Variants in DZIP3 observed in about 807,000 individuals in gnomAD.
DZIP3 encodes the protein E3 ubiquitin-protein ligase DZIP3.
Under a neutral mutation model 162.0 loss-of-function variants are expected in DZIP3, and 118 were observed. That is an observed-to-expected ratio of 0.73 (90% CI 0.63 to 0.85). DZIP3 has a LOEUF of 0.85. DZIP3 is among the 40% of genes least tolerant of loss of function. DZIP3 has a pLI of 0.00. For synonymous variants in DZIP3, 438 were observed against 458.6 expected, an observed-to-expected ratio of 0.96 and a Z score of 0.57; for missense variants, 1,331 against 1,407.0, an observed-to-expected ratio of 0.95 and a Z score of 0.86.
chr3:108,629,093 A>G lies in DZIP3; in HGVS notation c.613A>G (p.Ser205Gly). The G allele has an allele frequency of 6.2e-7, 1 of 1,603,436 alleles. No individual in the cohort carries two copies. The highest frequency in any genetic ancestry group is 8.5e-7 in the Non-Finnish European group (1 of 1,176,674). The part of the protein sequence containing the change: ...YNGGLLEFHK[S>G]LQEIGDKNDH... Reference sequence around the variant, plus strand: ...TGGAGGACTGCTAGAATTTCATAAAAGCTTACAAGAAATTGGAGACAAAAA... The same window carrying G: ...TGGAGGACTGCTAGAATTTCATAAAGGCTTACAAGAAATTGGAGACAAAAA... Residue 205 changes from serine to glycine, a missense_variant, in exon 8 of 33, where the codon AGC (serine) becomes GGC (glycine). By Grantham distance (56) the Ser-to-Gly change is moderately conservative. Coordinates refer to ENST00000361582, the MANE Select transcript of DZIP3 (RefSeq NM_014648.4).
rs913596832 is a variant in DZIP3 at position 108,644,612 on chromosome 3, G to A, written c.1590G>A (p.Trp530Ter). 3 of 1,613,872 alleles carry A rather than the reference G, an allele frequency of 1.9e-6. No homozygotes were observed. The highest frequency in any genetic ancestry group is 2.5e-6 in the Non-Finnish European group (3 of 1,179,938). Residue 530 changes from tryptophan to a stop codon, truncating the protein, a stop_gained, in exon 14 of 33, where the codon TGG (tryptophan) becomes TGA (stop). Transcript: ENST00000361582. LOFTEE classifies it high-confidence loss of function. ...CTGAGTCACAGTTCAATTCAATTTG[G>A]AAAAAAGTTTCAGATATTCTTCTGC... The part of the protein sequence containing the change: ...GLTESQFNSI[W>*]KKVSDILLRL...
intron 21 of DZIP3, among the ~76,000 whole-genome samples, chr3:108,667,917 CATCA>C (rs1306565757): frequency 6.6e-6 from 1 of 152,032 alleles, no homozygotes; most frequent in Non-Finnish European, 1.5e-5. Context: ...AAAGACAGGG[CATCA>C]AGGCAGAATG....
In DZIP3 at chr3:108,644,291, A is replaced by T; in HGVS notation, c.1269A>T (p.Lys423Asn). The T allele has an allele frequency of 6.2e-7, 1 of 1,614,026 alleles. No homozygotes were observed. Among genetic ancestry groups the T allele is most frequent in the South Asian group, 1.1e-5 (1 of 91,074 alleles). The change falls in exon 14 of 33, where the codon AAA becomes AAT. Residue 423 changes from lysine to asparagine, a missense_variant. By Grantham distance (94) the Lys-to-Asn change is moderately conservative. Transcript: ENST00000361582. ...DEAMPPPLLK[K>N]ELLIHKNVLE... ...CTATGCCACCTCCTCTTTTGAAAAAAGAGCTTCTTATACACAAGAATGTGC... is the reference window on the plus strand; with the variant it reads ...CTATGCCACCTCCTCTTTTGAAAAATGAGCTTCTTATACACAAGAATGTGC...
At chr3:108,600,865 G>A (rs963574392) in intron 1 of DZIP3, among the ~76,000 whole-genome samples, 2 of 152,130 alleles carry the variant, frequency 1.3e-5, no homozygotes, top group African/African-American at 2.4e-5. Context: ...TAATCACTCT[G>A]TAAGGGTATG....
At position 108,684,207 on chromosome 3, in the gene DZIP3, C is replaced by G. The variant is rs1398662181; in HGVS notation, c.2884-9C>G. On this transcript the variant is annotated splice_polypyrimidine_tract_variant and intron_variant, in intron 26 of 32. Transcript: ENST00000361582. Reference sequence around the variant, plus strand: ...TGTTGTTTATTATTGTTTATATTTTCTATTTTAGATGCAGCAGTTCTTAGG... The same window carrying G: ...TGTTGTTTATTATTGTTTATATTTTGTATTTTAGATGCAGCAGTTCTTAGG... 1.9e-6 allele frequency: 3 copies of G among 1,590,682 alleles called. No individual in the cohort carries two copies. The highest frequency in any genetic ancestry group is 2.6e-6 in the Non-Finnish European group (3 of 1,169,616).
intron 27 of DZIP3, among the ~76,000 whole-genome samples, chr3:108,684,707 T>A (rs530554200): frequency 2.2e-4 from 33 of 152,110 alleles, no homozygotes; most frequent in Non-Finnish European, 7.4e-5. Context: ...CAAACTATAT[T>A]ATGGCACAAA....
At chr3:108,596,643 C>A (rs1252601692) in intron 1 of DZIP3, among the ~76,000 whole-genome samples, 3 of 151,272 alleles carry the variant, frequency 2.0e-5, no homozygotes, top group East Asian at 3.9e-4. Context: ...AAGGCTGTTA[C>A]AATCTACACA....
At position 108,648,962 on chromosome 3, in the gene DZIP3, G is replaced by A; in HGVS notation, c.2007G>A (p.Lys669=). 2 of 1,158,534 alleles carry A rather than the reference G, an allele frequency of 1.7e-6. No homozygotes were observed. The highest frequency in any genetic ancestry group is 1.5e-5 in the South Asian group (1 of 68,248). 71.8% of individuals were successfully genotyped at this position (1,158,534 alleles called of 1,614,324 possible). Reference sequence around the variant, plus strand: ...AAAAGAAGAAGACTAAGAATAAAAAGGTAAGAGACTATAATAGCATTATAA... The same window carrying A: ...AAAAGAAGAAGACTAAGAATAAAAAAGTAAGAGACTATAATAGCATTATAA... ...QRKKKKTKNK[K]NKDSKEDQVP... Residue 669 remains lysine (K), a splice_region_variant and synonymous_variant, in exon 17 of 33, where the codon AAG becomes AAA. Coordinates refer to ENST00000361582, the MANE Select transcript of DZIP3 (RefSeq NM_014648.4).
chr3:108,673,785 G>T (rs922280491), intron 23 of DZIP3, among the ~76,000 whole-genome samples: 1 of 151,834 alleles, frequency 6.6e-6, no homozygotes, highest in Non-Finnish European at 1.5e-5. Flanking sequence ...AGAATATCTG[G>T]GACCAAGGCA....
intron 12 of DZIP3, among the ~76,000 whole-genome samples, chr3:108,641,509 A>C (rs1942399402): frequency 6.6e-6 from 1 of 152,190 alleles, no homozygotes; most frequent in South Asian, 2.1e-4. Flanking sequence ...ACACTCTTGT[A>C]CATGTCGCTA....
chr3:108,654,198 A>AC lies in DZIP3; in HGVS notation c.2088dup (p.Ser697LeufsTer4). ...TTGAGGAAAGAACAAGCAAATCCAC[A>AC]CTCAGTCAGTAGACTTATAAAAGAT... On this transcript the variant is annotated frameshift_variant, in exon 19 of 33. Coordinates refer to ENST00000361582, the MANE Select transcript of DZIP3 (RefSeq NM_014648.4). LOFTEE classifies it high-confidence loss of function. The AC allele has an allele frequency of 1.2e-6, 2 of 1,613,770 alleles. No individual in the cohort carries two copies. Among genetic ancestry groups the AC allele is most frequent in the Non-Finnish European group, 1.7e-6 (2 of 1,179,748 alleles).
At chr3:108,630,589 T>A (rs1941787568) in intron 8 of DZIP3, among the ~76,000 whole-genome samples, 1 of 152,110 alleles carries the variant, frequency 6.6e-6, no homozygotes, top group Non-Finnish European at 1.5e-5. Context: ...ATATGACTTT[T>A]AATTTTGACT....
chr3:108,650,341 A>G (rs1942810599), intron 17 of DZIP3, among the ~76,000 whole-genome samples: 1 of 151,810 alleles, frequency 6.6e-6, no homozygotes, highest in Non-Finnish European at 1.5e-5. Flanking sequence ...AAATCATAGA[A>G]TCAAATTGGT....
chr3:108,599,138 A>T (rs1485401458), intron 1 of DZIP3, among the ~76,000 whole-genome samples: 1 of 152,234 alleles, frequency 6.6e-6, no homozygotes, highest in Non-Finnish European at 1.5e-5. Flanking sequence ...AGTATACATT[A>T]TAAGGCACTT....
At chr3:108,667,456 A>G (rs1361881928) in intron 21 of DZIP3, among the ~76,000 whole-genome samples, 1 of 152,176 alleles carries the variant, frequency 6.6e-6, no homozygotes, top group Admixed American at 6.5e-5. Context: ...AAAATGGAAA[A>G]CAGATTAGTG....
chr3:108,626,942 A>C (rs1243149292), intron 7 of DZIP3, among the ~76,000 whole-genome samples: 1 of 152,224 alleles, frequency 6.6e-6, no homozygotes, highest in East Asian at 1.9e-4. Context: ...AAACCACTGG[A>C]TCCCTAAAAG....
chr3:108,667,495 G>T (rs967891512), intron 21 of DZIP3, among the ~76,000 whole-genome samples: 5 of 152,088 alleles, frequency 3.3e-5, no homozygotes, highest in Non-Finnish European at 2.9e-5. Context: ...GGGGATGAGA[G>T]TGGAAGGGAA....
rs762575151 is a variant in DZIP3, at chr3:108,644,375, G to A, written c.1353G>A (p.Leu451=). Residue 451 remains leucine (L), a synonymous_variant, in exon 14 of 33, where the codon CTG becomes CTA. Transcript: ENST00000361582. ...TNHPLGGSWH[L]LYPPNKELPQ... ...ATCCTTTGGGTGGATCATGGCATCT[G>A]CTTTATCCTCCTAACAAGGAGTTAC... 1 of 1,614,064 alleles carries A rather than the reference G, an allele frequency of 6.2e-7. No individual in the cohort carries two copies. Among genetic ancestry groups the A allele is most frequent in the Non-Finnish European group, 8.5e-7 (1 of 1,179,982 alleles).
Position 108,688,890 on chromosome 3 carries a change from C to G in DZIP3, c.3482C>G (p.Ser1161Ter). The G allele has an allele frequency of 6.2e-7, 1 of 1,614,182 alleles. No homozygotes were observed. Among genetic ancestry groups the G allele is most frequent in the Non-Finnish European group, 8.5e-7 (1 of 1,180,034 alleles). Residue 1161 changes from serine to a stop codon, truncating the protein, a stop_gained, in exon 31 of 33, where the codon TCA becomes TGA. Coordinates refer to ENST00000361582, the MANE Select transcript of DZIP3 (RefSeq NM_014648.4). LOFTEE classifies it high-confidence loss of function. ...GAGAATCTGTCTCCAGAAAATCTTTCAGTTTTGCCTTGCGCTCACAAATTC... is the reference window on the plus strand; with the variant it reads ...GAGAATCTGTCTCCAGAAAATCTTTGAGTTTTGCCTTGCGCTCACAAATTC... ...CHENLSPENL[S>*]VLPCAHKFHA...
Sources: gnomAD v4.1 joint callset for allele counts (sites outside exome capture counted in the v4.1 genomes callset) on GRCh38, gnomAD v4.1.1 for gene constraint, MANE v1.5 for transcripts, NCBI Gene and HGNC (gene_info 2026-07-23, HGNC 2026-07-21) for gene names.